The following STXBP5L variants were observed in gnomAD, a reference collection of about 807,000 sequenced individuals.
STXBP5L encodes syntaxin binding protein 5L.
Under a neutral mutation model 144.5 loss-of-function variants are expected in STXBP5L, and 65 were observed. The ratio of observed to expected loss-of-function variants is 0.45; its 90% CI spans 0.37 to 0.55. The LOEUF is 0.55. Ranked by LOEUF, STXBP5L falls within the 20% of genes least tolerant of loss-of-function variation. The probability of loss-of-function intolerance (pLI) is 0.00; values close to 1 mark genes in which losing one functional copy is unlikely to be tolerated. For missense variants in STXBP5L, 1,298 were observed against 1,405.5 expected (o/e 0.92, Z 1.22); for synonymous variants, 505 against 469.6 (o/e 1.08, Z -0.97).
intron 7 of STXBP5L, among the ~76,000 whole-genome samples, chr3:121,139,841 C>T (rs1173468088): frequency 6.6e-6 from 1 of 151,926 alleles, no homozygotes; most frequent in Non-Finnish European, 1.5e-5. Context: ...CAAACCATCA[C>T]TTATGCTGAA....
chr3:120,949,742 T>C (rs972657283), intron 2 of STXBP5L, among the ~76,000 whole-genome samples: 11 of 152,156 alleles, frequency 7.2e-5, no homozygotes, highest in Non-Finnish European at 1.3e-4. Context: ...TATTCAGCTG[T>C]ATTTCTGGGT....
rs1266360076 is a variant in STXBP5L, at chr3:121,045,446, C to T, written c.381C>T (p.Val127=). ...TCTTTTTGTTCTAGGGTGCCTTGGT[C>T]AGTGCAAGTTCAGATGATACACTTC... The part of the protein sequence containing the change: ...LQFLINEGAL[V]SASSDDTLHL... Residue 127 remains valine (V), a synonymous_variant, in exon 5 of 27, where the codon GTC becomes GTT. Transcript: ENST00000471454. The T allele has an allele frequency of 6.2e-7, 1 of 1,609,342 alleles. No individual in the cohort carries two copies. Among genetic ancestry groups the T allele is most frequent in the Non-Finnish European group, 8.5e-7 (1 of 1,177,958 alleles).
chr3:121,282,252 G>C, intron 19 of STXBP5L: 2 of 1,608,414 alleles, frequency 1.2e-6, no homozygotes, highest in South Asian at 2.2e-5. Context: ...CTGGTGGTCT[G>C]GCATGTTCCA....
intron 3 of STXBP5L, among the ~76,000 whole-genome samples, chr3:121,000,313 C>T (rs182670461): frequency 6.6e-6 from 1 of 151,994 alleles, no homozygotes; most frequent in Non-Finnish European, 1.5e-5. Flanking sequence ...CTTTTACATT[C>T]TTTTTTCCTT....
intron 20 of STXBP5L, among the ~76,000 whole-genome samples, chr3:121,321,636 C>T (rs1210838495): frequency 1.3e-5 from 2 of 152,166 alleles, no homozygotes; most frequent in African/African-American, 4.8e-5. Flanking sequence ...GTCTCCAGAT[C>T]ACTTGAGAAT....
intron 10 of STXBP5L, among the ~76,000 whole-genome samples, chr3:121,219,431 G>A (rs1398340608): frequency 6.6e-6 from 1 of 152,122 alleles, no homozygotes; most frequent in Non-Finnish European, 1.5e-5. Flanking sequence ...GCACATGTAA[G>A]GGATGTGTTT....
intron 9 of STXBP5L, among the ~76,000 whole-genome samples, chr3:121,171,401 G>A (rs1210457994): frequency 2.0e-5 from 3 of 152,228 alleles, no homozygotes; most frequent in African/African-American, 7.2e-5. Context: ...CAAATAGGAA[G>A]AGAGGAAGTC....
At chr3:121,152,074 G>A (rs997190970) in intron 7 of STXBP5L, among the ~76,000 whole-genome samples, 3 of 152,006 alleles carry the variant, frequency 2.0e-5, no homozygotes, top group Admixed American at 2.0e-4. Flanking sequence ...TTTGGTAGAA[G>A]AAATTTGAAG....
chr3:121,032,573 G>C (rs940151551), intron 3 of STXBP5L, among the ~76,000 whole-genome samples: 1 of 147,200 alleles, frequency 6.8e-6, no homozygotes, highest in Non-Finnish European at 1.5e-5. Context: ...TGACAAATGG[G>C]ATCTAATTAA....
At chr3:121,086,821 A>G (rs973908218) in intron 5 of STXBP5L, among the ~76,000 whole-genome samples, 1 of 152,048 alleles carries the variant, frequency 6.6e-6, no homozygotes, top group African/African-American at 2.4e-5. Context: ...TATCTGTATA[A>G]AAAGGTGTAC....
intron 3 of STXBP5L, among the ~76,000 whole-genome samples, chr3:121,038,152 C>G (rs528363523): frequency 6.6e-6 from 1 of 151,686 alleles, no homozygotes; most frequent in South Asian, 2.1e-4. Flanking sequence ...TTTATCTGAT[C>G]ATCTTTATTA....
chr3:121,167,893 C>T (rs897156837), intron 9 of STXBP5L, among the ~76,000 whole-genome samples: 1 of 152,194 alleles, frequency 6.6e-6, no homozygotes, highest in Non-Finnish European at 1.5e-5. Flanking sequence ...CTTGGAGACA[C>T]CTCCCAGCAG....
At chr3:121,095,346 G>T (rs902865253) in intron 5 of STXBP5L, among the ~76,000 whole-genome samples, 1 of 152,100 alleles carries the variant, frequency 6.6e-6, no homozygotes, top group Non-Finnish European at 1.5e-5. Context: ...CTTCTAGGTT[G>T]GGGAAGTTCT....
chr3:121,004,757 T>C (rs562676011), intron 3 of STXBP5L, among the ~76,000 whole-genome samples: 1 of 152,342 alleles, frequency 6.6e-6, no homozygotes, highest in East Asian at 1.9e-4. Context: ...GTTTTTAGCA[T>C]GAAGCGTTGT....
intron 3 of STXBP5L, among the ~76,000 whole-genome samples, chr3:121,003,858 G>T (rs972513738): frequency 6.6e-6 from 1 of 152,128 alleles, no homozygotes; most frequent in East Asian, 1.9e-4. Flanking sequence ...AGATCAGATG[G>T]TTGAAGATAT....
At chr3:121,148,333 AC>A (rs1226541900) in intron 7 of STXBP5L, among the ~76,000 whole-genome samples, 4 of 152,150 alleles carry the variant, frequency 2.6e-5, no homozygotes, top group Non-Finnish European at 4.4e-5. Flanking sequence ...AGTTGGTTTA[AC>A]TTTTCAGAAT....
intron 3 of STXBP5L, among the ~76,000 whole-genome samples, chr3:121,018,855 AAAGAC>A (rs1027512348): frequency 6.6e-6 from 1 of 152,226 alleles, no homozygotes; most frequent in African/African-American, 2.4e-5. Context: ...ACATACCAAC[AAAGAC>A]AAGAGAATCC....
chr3:121,155,377 G>C (rs2046077988), intron 8 of STXBP5L, among the ~76,000 whole-genome samples: 1 of 151,682 alleles, frequency 6.6e-6, no homozygotes, highest in Admixed American at 6.6e-5. Flanking sequence ...AATTCTGTTA[G>C]GTCTTTAGCC....
intron 22 of STXBP5L, among the ~76,000 whole-genome samples, chr3:121,382,257 T>C (rs897706358): frequency 6.6e-6 from 1 of 152,062 alleles, no homozygotes; most frequent in Non-Finnish European, 1.5e-5. Context: ...AAGGGTTTTA[T>C]TTTAAAAGGA....
Sources: gnomAD v4.1 joint callset for allele counts (sites outside exome capture counted in the v4.1 genomes callset) on GRCh38, gnomAD v4.1.1 for gene constraint, MANE v1.5 for transcripts, NCBI Gene and HGNC (gene_info 2026-07-23, HGNC 2026-07-21) for gene names.